DUOX2: variants seen among roughly 807,000 people sequenced by gnomAD.
DUOX2 encodes the protein NADH/NADPH thyroid oxidase p138-tox.
A neutral mutation model predicts 183.3 loss-of-function variants in DUOX2; 185 were observed. The observed-to-expected ratio is 1.01, with a 90% CI of 0.90 to 1.14. DUOX2 has a LOEUF of 1.14. DUOX2 is among the 50% of genes most tolerant of loss of function. DUOX2 has a pLI of 0.00. For missense variants in DUOX2, 1,999 were observed against 2,022.9 expected (o/e 0.99, Z 0.23); for synonymous variants, 788 against 812.4 (o/e 0.97, Z 0.51).
At chr15:45,097,553 T>C (rs988496685) in intron 28 of DUOX2, 61 bp downstream of exon 28, 92 of 1,613,522 alleles carry the variant, frequency 5.7e-5, no homozygotes, top group Non-Finnish European at 7.6e-5. Flanking sequence ...TCTCCCTCTT[T>C]CACCTTCCTG....
intron 11 of DUOX2, chr15:45,109,172 C>G: frequency 1.6e-6 from 1 of 640,532 alleles, no homozygotes; most frequent in Non-Finnish European, 2.8e-6. Context: ...CTCTAAGACT[C>G]AAGACTGTTC....
At chr15:45,106,381 C>G in intron 16 of DUOX2, 54 bp from the exon 17 acceptor site, 1 of 1,606,910 alleles carries the variant, frequency 6.2e-7, no homozygotes, top group Admixed American at 1.7e-5. Context: ...CAGGTCCCCG[C>G]CTTCAGGTCA....
In DUOX2 at chr15:45,095,591, T is replaced by G. The variant is rs1218089832; in HGVS notation, c.4085A>C (p.Tyr1362Ser). Residue 1362 changes from tyrosine to serine, a missense_variant, in exon 31 of 34, where the codon TAC (tyrosine) becomes TCC (serine). Physicochemically the swap from Tyr to Ser is moderately radical, Grantham distance 144 (BLOSUM62 -2). Around this residue, in one of 3 missense-constraint regions of DUOX2, gnomAD observed 1,628 missense variants for 1,608.6 expected, o/e 1.01. Coordinates refer to ENST00000389039, the MANE Select transcript of DUOX2 (RefSeq NM_001363711.2). ...GNGCAGYPKL[Y>S]LDGPFGEGHQ... ...GCCCTCTCCAAACGGTCCATCAAGG[T>G]ACAGCTGCCAAGAGAGGGGGGAGAT... 1 of 1,614,118 alleles carries G rather than the reference T, an allele frequency of 6.2e-7. No individual in the cohort carries two copies. Among genetic ancestry groups the G allele is most frequent in the Admixed American group, 1.7e-5 (1 of 60,018 alleles).
chr15:45,111,316 G>A (rs1460017607), intron 6 of DUOX2, 39 bp from the exon 7 acceptor site: 5 of 1,387,720 alleles, frequency 3.6e-6, no homozygotes, highest in Admixed American at 5.6e-5. Flanking sequence ...GAGACGAGCG[G>A]TAGCGTGATC....
At chr15:45,095,328 T>C in intron 31 of DUOX2, 109 bp downstream of exon 31, 3 of 1,541,868 alleles carry the variant, frequency 1.9e-6, no homozygotes, top group Non-Finnish European at 2.7e-6. Flanking sequence ...AATGACCCCT[T>C]CAGACTCAGT....
At chr15:45,095,186 C>T in intron 31 of DUOX2, 95 bp from the exon 32 acceptor site, 7 of 1,504,450 alleles carry the variant, frequency 4.7e-6, no homozygotes, top group Non-Finnish European at 5.4e-6. Flanking sequence ...CCCCAGACCA[C>T]CTGCAGACAC....
chr15:45,099,613 T>C (rs376681974), intron 25 of DUOX2, 49 bp downstream of exon 25: 100 of 1,607,608 alleles, frequency 6.2e-5, no homozygotes, highest in Non-Finnish European at 7.7e-5. Flanking sequence ...TTCCCCCAAC[T>C]AGACCCAGGG....
chr15:45,095,855 C>A lies in DUOX2; in HGVS notation c.4053G>T (p.Lys1351Asn). Residue 1351 changes from lysine to asparagine, a missense_variant, in exon 30 of 34, where the codon AAG (lysine) becomes AAT (asparagine). Around this residue, in one of 3 missense-constraint regions of DUOX2, gnomAD observed 1,628 missense variants for 1,608.6 expected, o/e 1.01. Transcript: ENST00000389039. Reference sequence around the variant, plus strand: ...TTGGGTATCCAGCACAGCCATTGCCCTTTGGGGATGAGTAGATCTCCCTGA... The same window carrying A: ...TTGGGTATCCAGCACAGCCATTGCCATTTGGGGATGAGTAGATCTCCCTGA... Reference protein sequence around the residue: ...TRLREIYSSPKGNGCAGYPKL... With the variant: ...TRLREIYSSPNGNGCAGYPKL... The A allele has an allele frequency of 6.2e-7, 1 of 1,614,116 alleles. No individual in the cohort carries two copies. The highest frequency in any genetic ancestry group is 8.5e-7 in the Non-Finnish European group (1 of 1,180,026).
rs1440460549 is a variant in DUOX2 at position 45,094,137 on chromosome 15, A to G, written c.*13T>C. 1.9e-6 allele frequency: 3 copies of G among 1,614,194 alleles called. No homozygotes were observed. The highest frequency in any genetic ancestry group is 2.5e-6 in the Non-Finnish European group (3 of 1,180,020). ...AGGCAGGATACTGGAAGCAGCAGCC[A>G]GGGAGGACAGGCTCAGAAGTTCTCA... On this transcript the variant is annotated 3_prime_UTR_variant, in exon 34 of 34. Coordinates refer to ENST00000389039, the MANE Select transcript of DUOX2 (RefSeq NM_001363711.2).
At chr15:45,110,291 T>C (rs1894344840) in intron 9 of DUOX2, 137 bp downstream of exon 9, 1 of 798,234 alleles carries the variant, frequency 1.3e-6, no homozygotes, top group African/African-American at 1.7e-5. Flanking sequence ...ACCCCAGGGT[T>C]CTGTTTCAGG....
Position 45,096,008 on chromosome 15 carries a change from T to C in DUOX2, c.3900A>G (p.Gly1300=). The change falls in exon 30 of 34, where the codon GGA becomes GGG. Residue 1300 remains glycine, a synonymous_variant. Transcript: ENST00000389039. ...QRPQGFEYKS[G]QWVRIACLAL... ...CCAGGCAGGCGATCCGCACCCACTG[T>C]CCTGACTTGTACTCAAAGCCTTGGG... The C allele has an allele frequency of 6.2e-7, 1 of 1,614,070 alleles. No homozygotes were observed. The highest frequency in any genetic ancestry group is 8.5e-7 in the Non-Finnish European group (1 of 1,180,008).
chr15:45,106,771 C>T, intron 15 of DUOX2, 61 bp downstream of exon 15: 1 of 1,599,502 alleles, frequency 6.3e-7, no homozygotes, highest in South Asian at 1.1e-5. Flanking sequence ...TAGCCAGCCC[C>T]TCAGGCCAGC....
At chr15:45,094,429 A>G in intron 33 of DUOX2, 134 bp downstream of exon 33, 2 of 1,518,526 alleles carry the variant, frequency 1.3e-6, no homozygotes, top group Non-Finnish European at 1.8e-6. Context: ...TCCCCCTTTA[A>G]CAGCTGACCT....
chr15:45,093,769 G>T lies in DUOX2; in HGVS notation c.*381C>A. On this transcript the variant is annotated 3_prime_UTR_variant, in exon 34 of 34. Transcript: ENST00000389039. ...CACCTCCACACTTGTCACAAGCAGG[G>T]ACTGTCTCCTCCCCACTTTGCTTGC... 3.4e-6 allele frequency: 1 copy of T among 290,720 alleles called. No homozygotes were observed. The highest frequency in any genetic ancestry group is 6.8e-6 in the Non-Finnish European group (1 of 147,370). The allele number at this position is 290,720 out of a possible 1,614,324, so 18.0% of individuals were successfully genotyped here.
rs1175944506 is a variant in DUOX2 at position 45,099,239 on chromosome 15, T to A, written c.3515+144A>T. The stretch of plus-strand genomic sequence containing the variant: ...GTTAGCCAGGATGGTCTCGATCTCC[T>A]GACCTCGTGATCCGCCCACCTCGGC... On this transcript the variant is annotated intron_variant, in intron 26 of 33. Transcript: ENST00000389039. 14 of 656,458 alleles carry A rather than the reference T, an allele frequency of 2.1e-5. No homozygotes were observed. In the Admixed American group the frequency reaches 2.1e-4, roughly 10 times the overall value. The allele number at this position is 656,458 out of a possible 1,614,324, so 40.7% of individuals were successfully genotyped here.
Position 45,094,964 on chromosome 15 carries a change from TCAGC to T in DUOX2, c.4363_4366del (p.Ala1455ArgfsTer21). 3.7e-6 allele frequency: 6 copies of T among 1,614,088 alleles called. No individual in the cohort carries two copies. Among genetic ancestry groups the T allele is most frequent in the Non-Finnish European group, 5.1e-6 (6 of 1,179,988 alleles). On this transcript the variant is annotated frameshift_variant, in exon 32 of 34. Coordinates refer to ENST00000389039, the MANE Select transcript of DUOX2 (RefSeq NM_001363711.2). LOFTEE classifies it high-confidence loss of function. ...CATGGTGGTCCTGAGGTCGAACTTC[TCAGC>T]CAGCTGGGTGACATAAATGTGCACA... is the stretch of plus-strand genomic sequence containing the variant.
At chr15:45,103,425 A>C (rs1328618091) in intron 20 of DUOX2, among the ~76,000 whole-genome samples, 6 of 152,176 alleles carry the variant, frequency 3.9e-5, no homozygotes, top group Non-Finnish European at 7.4e-5. Flanking sequence ...CATTGTCTTC[A>C]GGAATGAGAA....
At position 45,106,725 on chromosome 15, in the gene DUOX2, A is replaced by G. The variant is rs1465939124; in HGVS notation, c.1832-84T>C. ...GCTTAGGCTATGGCCCCTCCCTTCCAGAGGTTCCTTGAGCCTGGTCTCAAA... is the reference window on the plus strand; with the variant it reads ...GCTTAGGCTATGGCCCCTCCCTTCCGGAGGTTCCTTGAGCCTGGTCTCAAA... On this transcript the variant is annotated intron_variant, in intron 15 of 33. Coordinates refer to ENST00000389039, the MANE Select transcript of DUOX2 (RefSeq NM_001363711.2). The G allele has an allele frequency of 9.3e-6, 15 of 1,610,444 alleles. No homozygotes were observed. The Middle Eastern group carries it at 5.0e-4, about 54-fold the overall frequency.
At chr15:45,095,702 G>T in intron 30 of DUOX2, 107 bp from the exon 31 acceptor site, 1 of 1,566,824 alleles carries the variant, frequency 6.4e-7, no homozygotes, top group South Asian at 1.1e-5. Context: ...AGTCTTTTCT[G>T]AGGCACCCCG....
Sources: allele counts gnomAD v4.1 joint callset (sites outside exome capture counted in the v4.1 genomes callset), GRCh38; gene constraint gnomAD v4.1.1; regional missense constraint gnomAD v4.1.1; transcripts MANE v1.5; gene names NCBI Gene and HGNC (gene_info 2026-07-23, HGNC 2026-07-21).